The following CEP112 variants were observed in gnomAD, a reference collection of about 807,000 sequenced individuals.
CEP112 encodes centrosomal protein of 112 kDa.
In CEP112, 127 loss-of-function variants were observed where a neutral mutation model predicts 153.0. The observed-to-expected ratio is 0.83, with a 90% CI of 0.72 to 0.96. CEP112 has a LOEUF of 0.96. CEP112 is among the 40% of genes least tolerant of loss of function. The pLI, the probability that CEP112 is intolerant of heterozygous loss-of-function variation, is 0.00. For missense variants in CEP112, 1,089 were observed against 1,101.2 expected, an observed-to-expected ratio of 0.99 and a Z score of 0.16; for synonymous variants, 358 against 374.4, an observed-to-expected ratio of 0.96 and a Z score of 0.51.
rs976041590 is a variant in CEP112, at chr17:65,981,136, A to G, written c.1737-19538T>C. Among the ~76,000 whole-genome samples, 4 of 152,118 alleles carry G rather than the reference A, an allele frequency of 2.6e-5. No individual in the cohort carries two copies. The South Asian group carries it at 6.2e-4, about 24-fold the overall frequency. On this transcript the variant is annotated intron_variant, in intron 17 of 26. Transcript: ENST00000535342. ...CGGCCATCTTCTTAGGTTTCTTCAC[A>G]TACACCCTTGCACTCTCCATCTCTA...
chr17:66,055,709 C>T (rs781433057), intron 11 of CEP112, among the ~76,000 whole-genome samples: 11 of 152,050 alleles, frequency 7.2e-5, no homozygotes, highest in Non-Finnish European at 1.6e-4. Flanking sequence ...ATAAAGGGAC[C>T]GTCGCTGTCG....
Position 66,077,226 on chromosome 17 carries a change from A to C in CEP112, c.769-7225T>G, listed in dbSNP as rs183224173. On this transcript the variant is annotated intron_variant, in intron 8 of 26. Transcript: ENST00000535342. ...AAATCCCTGATTTACCTGAAAAAGA[A>C]TTCAGGAGGTTACTTATTAAGCCAA... Among the ~76,000 whole-genome samples, 175 of 152,272 alleles carry C rather than the reference A, an allele frequency of 1.1e-3. 1 individual carries two copies. Among genetic ancestry groups the C allele is most frequent in the African/African-American group, 3.9e-3 (163 of 41,554 alleles).
intron 24 of CEP112, among the ~76,000 whole-genome samples, chr17:65,672,857 G>C (rs1360395364): frequency 6.6e-6 from 1 of 152,174 alleles, no homozygotes; most frequent in Non-Finnish European, 1.5e-5. Flanking sequence ...CAAAAAATGG[G>C]AGAAATATAT....
intron 6 of CEP112, among the ~76,000 whole-genome samples, chr17:66,116,383 G>A (rs966124275): frequency 8.6e-5 from 13 of 152,020 alleles, no homozygotes; most frequent in Admixed American, 5.2e-4. Flanking sequence ...TGCTTTGGGG[G>A]AAATTTTGAT....
chr17:65,710,045 C>A lies in CEP112; in HGVS notation c.2608-20827G>T, dbSNP rs111369756. Among the ~76,000 whole-genome samples the A allele has an allele frequency of 4.5e-3, 684 of 152,296 alleles. 6 individuals are homozygous for A. The highest frequency in any genetic ancestry group is 0.016 in the African/African-American group (645 of 41,574). On this transcript the variant is annotated intron_variant, in intron 23 of 26. Coordinates refer to ENST00000535342, the MANE Select transcript of CEP112 (RefSeq NM_001199165.4). ...GATCTTGAGCCCTACCCCAGACTGA[C>A]AGCATCAGAGCCTACATCTTAACAA...
At chr17:65,937,530 C>T (rs1420947958) in intron 18 of CEP112, among the ~76,000 whole-genome samples, 5 of 136,978 alleles carry the variant, frequency 3.7e-5, no homozygotes, top group Admixed American at 2.5e-4. Context: ...GTGAGGAGCC[C>T]CTCTGCCCGG....
At chr17:65,991,343 T>C (rs1000359512) in intron 17 of CEP112, among the ~76,000 whole-genome samples, 2 of 152,176 alleles carry the variant, frequency 1.3e-5, no homozygotes, top group African/African-American at 4.8e-5. Flanking sequence ...GGTAACGTTA[T>C]ACTCATATAT....
At chr17:66,036,432 T>C (rs1334099331) in intron 12 of CEP112, among the ~76,000 whole-genome samples, 4 of 152,164 alleles carry the variant, frequency 2.6e-5, no homozygotes, top group East Asian at 1.9e-4. Flanking sequence ...TAAATGTGCA[T>C]ACATGTAAAA....
In CEP112 at chr17:65,840,738, G is replaced by A. The variant is rs9903012; in HGVS notation, c.2394+11066C>T. 3.1e-3 allele frequency among the ~76,000 whole-genome samples: 479 copies of A among 152,088 alleles called. 3 individuals are homozygous for A. Among genetic ancestry groups the A allele is most frequent in the African/African-American group, 0.011 (455 of 41,536 alleles). ...CAATCAAGAGTAAAAAGAAATGAGA[G>A]AACATATTGGCAAACTATCCATCTG... On this transcript the variant is annotated intron_variant, in intron 21 of 26. Transcript: ENST00000535342.
rs28619380 is a variant in CEP112 at position 65,728,636 on chromosome 17, C to T, written c.2607+14432G>A. On this transcript the variant is annotated intron_variant, in intron 23 of 26. Coordinates refer to ENST00000535342, the MANE Select transcript of CEP112 (RefSeq NM_001199165.4). ...TGTGGTATAATTGCCTATAGTACAG[C>T]ATGTTACTATACTGTAACATTACTG... 3.6e-3 allele frequency among the ~76,000 whole-genome samples: 544 copies of T among 152,148 alleles called. 4 individuals are homozygous for T. The highest frequency in any genetic ancestry group is 0.013 in the African/African-American group (527 of 41,482).
chr17:65,652,899 A>G (rs2045860979), intron 24 of CEP112, among the ~76,000 whole-genome samples: 1 of 152,194 alleles, frequency 6.6e-6, no homozygotes, highest in African/African-American at 2.4e-5. Context: ...CTGGAGGCTG[A>G]AAGTCCAAGA....
intron 24 of CEP112, among the ~76,000 whole-genome samples, chr17:65,686,130 T>C (rs865882816): frequency 1.3e-5 from 2 of 150,386 alleles, no homozygotes; most frequent in South Asian, 4.2e-4. Flanking sequence ...TTTTTTTTTT[T>C]TTTTCAGCTA....
rs1722545659 is a variant in CEP112 at position 66,030,037 on chromosome 17, T to C, written c.1219-14A>G. The C allele has an allele frequency of 3.7e-6, 6 of 1,609,044 alleles. No individual in the cohort carries two copies. Among genetic ancestry groups the C allele is most frequent in the Non-Finnish European group, 5.1e-6 (6 of 1,178,010 alleles). ...GATCATGTGGTTCTAAAAGAACAGG[T>C]CATGGTTAAGAAAGTCTCTGACTCA... On this transcript the variant is annotated splice_polypyrimidine_tract_variant and intron_variant, in intron 12 of 26. Transcript: ENST00000535342.
At chr17:65,872,451 TATA>T (rs1163053583) in intron 20 of CEP112, among the ~76,000 whole-genome samples, 1 of 152,182 alleles carries the variant, frequency 6.6e-6, no homozygotes, top group Non-Finnish European at 1.5e-5. Flanking sequence ...TCTTACTAAA[TATA>T]ATGTTAAATT....
chr17:66,081,137 T>C (rs1034936764), intron 8 of CEP112, among the ~76,000 whole-genome samples: 1 of 152,024 alleles, frequency 6.6e-6, no homozygotes, highest in South Asian at 2.1e-4. Flanking sequence ...GTTCTGCACA[T>C]GTATCCCAGA....
At chr17:65,744,978 C>T (rs1447289861) in intron 22 of CEP112, among the ~76,000 whole-genome samples, 1 of 152,186 alleles carries the variant, frequency 6.6e-6, no homozygotes, top group East Asian at 1.9e-4. Flanking sequence ...TCTTGAAGCT[C>T]AGTTTTTCCA....
At chr17:65,826,608 T>C (rs1164386659) in intron 21 of CEP112, 1 of 1,197,248 alleles carries the variant, frequency 8.4e-7, no homozygotes. Context: ...GGGCAGAAAA[T>C]AGGAAGCAGG....
At chr17:66,099,466 T>C (rs2068474721) in intron 6 of CEP112, among the ~76,000 whole-genome samples, 2 of 139,856 alleles carry the variant, frequency 1.4e-5, no homozygotes, top group African/African-American at 5.5e-5. Flanking sequence ...ATCATGCCAC[T>C]GCACTCCAGC....
At chr17:65,709,843 T>C (rs1267669120) in intron 23 of CEP112, among the ~76,000 whole-genome samples, 1 of 152,246 alleles carries the variant, frequency 6.6e-6, no homozygotes, top group African/African-American at 2.4e-5. Context: ...GATCTTTCTT[T>C]GCTCTGCAAT....
Sources: gnomAD v4.1 joint callset for allele counts (sites outside exome capture counted in the v4.1 genomes callset) on GRCh38, gnomAD v4.1.1 for gene constraint, MANE v1.5 for transcripts, NCBI Gene and HGNC (gene_info 2026-07-23, HGNC 2026-07-21) for gene names.